SLC9B1: variants seen among roughly 807,000 people sequenced by gnomAD.
The protein encoded by SLC9B1 is sodium/hydrogen exchanger 9B1.
A neutral mutation model predicts 51.7 loss-of-function variants in SLC9B1; 32 were observed. The observed-to-expected ratio is 0.62, with a 90% CI of 0.47 to 0.83. The LOEUF (loss-of-function observed/expected upper bound fraction) is 0.83, where lower values mean the gene tolerates loss of function less well. Among genes scored for constraint, SLC9B1 ranks in the 40% least tolerant of loss-of-function variants. SLC9B1 has a pLI of 0.00. For missense variants in SLC9B1, 406 were observed against 613.2 expected, an observed-to-expected ratio of 0.66 and a Z score of 3.57; for synonymous variants, 145 against 212.7, an observed-to-expected ratio of 0.68 and a Z score of 2.77.
rs771987427 is a variant in SLC9B1 at position 102,910,582 on chromosome 4, G to C, written c.943C>G (p.Leu315Val). Residue 315 changes from leucine (L) to valine (V), a missense_variant, in exon 9 of 12, where the codon CTT becomes GTT. Leu to Val is a conservative substitution (Grantham distance 32). Coordinates refer to ENST00000296422, the MANE Select transcript of SLC9B1 (RefSeq NM_139173.4). ...ACAAGGAATCCTCTCTTCAATGTAA[G>C]TTTTTTCTAGAATTAGATAGATATT... is the stretch of plus-strand genomic sequence containing the variant. The part of the protein sequence containing the change: ...RYFPSEDQKK[L>V]TLKRGFLVLT... 4 of 1,436,144 alleles carry C rather than the reference G, an allele frequency of 2.8e-6. No homozygotes were observed. Among genetic ancestry groups the C allele is most frequent in the Non-Finnish European group, 3.7e-6 (4 of 1,092,396 alleles). The allele number at this position is 1,436,144 out of a possible 1,614,324, so 89.0% of individuals were successfully genotyped here.
At chr4:102,886,090 T>G (rs927432874) in intron 11 of SLC9B1, among the ~76,000 whole-genome samples, 10 of 152,194 alleles carry the variant, frequency 6.6e-5, no homozygotes, top group Admixed American at 3.9e-4. Flanking sequence ...ACTAAATATC[T>G]GATAAAAAGG....
intron 11 of SLC9B1, chr4:102,885,521 A>G: frequency 2.0e-6 from 2 of 996,282 alleles, no homozygotes; most frequent in Non-Finnish European, 3.1e-6. Context: ...CTTTAAGATG[A>G]GAGAATTTTC....
intron 9 of SLC9B1, among the ~76,000 whole-genome samples, chr4:102,910,052 C>T (rs550876363): frequency 5.9e-5 from 9 of 152,076 alleles, no homozygotes; most frequent in South Asian, 2.1e-4. Flanking sequence ...TGACCCCACG[C>T]GATCTGTCCG....
intron 11 of SLC9B1, among the ~76,000 whole-genome samples, chr4:102,894,737 G>C (rs975290980): frequency 5.3e-5 from 8 of 152,256 alleles, no homozygotes; most frequent in Admixed American, 5.2e-4. Flanking sequence ...CAGGAGGACT[G>C]CTTGAGCCCA....
downstream of SLC9B1, among the ~76,000 whole-genome samples, chr4:102,899,689 G>A (rs910632658): frequency 1.3e-5 from 2 of 152,110 alleles, no homozygotes; most frequent in African/African-American, 2.4e-5. Context: ...TGGGATTACA[G>A]GCATGAGCCA....
chr4:102,906,298 T>C (rs1328233408), intron 10 of SLC9B1: 1 of 238,180 alleles, frequency 4.2e-6, no homozygotes, highest in East Asian at 9.7e-5. Context: ...AGGAAAGAAA[T>C]CTTATATTTA....
intron 1 of SLC9B1, among the ~76,000 whole-genome samples, chr4:103,008,348 T>C (rs1369702500): frequency 6.6e-6 from 1 of 152,146 alleles, no homozygotes; most frequent in Non-Finnish European, 1.5e-5. Flanking sequence ...TGTTTGATTA[T>C]ATATTAATAA....
chr4:102,907,857 T>C (rs1213869079), intron 9 of SLC9B1, among the ~76,000 whole-genome samples: 3 of 152,290 alleles, frequency 2.0e-5, no homozygotes, highest in Non-Finnish European at 4.4e-5. Flanking sequence ...ATTATCCTAT[T>C]TGTTACTTTT....
intron 6 of SLC9B1, among the ~76,000 whole-genome samples, chr4:102,937,723 C>CAAAAAAA (rs35545999): frequency 5.3e-5 from 3 of 56,844 alleles, no homozygotes; most frequent in African/African-American, 5.9e-5. Context: ...ACTCTGTCGC[C>CAAAAAAA]AAAAAAAAAA....
chr4:102,930,058 G>A (rs1266559305), intron 7 of SLC9B1, among the ~76,000 whole-genome samples: 1 of 152,126 alleles, frequency 6.6e-6, no homozygotes, highest in East Asian at 1.9e-4. Flanking sequence ...AACAAAAGGT[G>A]AACCCACCTA....
chr4:102,973,053 G>A (rs1273569093), intron 3 of SLC9B1, among the ~76,000 whole-genome samples: 1 of 152,106 alleles, frequency 6.6e-6, no homozygotes, highest in Non-Finnish European at 1.5e-5. Flanking sequence ...AAAAGTATTA[G>A]AGAAATAATA....
chr4:102,946,559 C>A, intron 5 of SLC9B1, 88 bp downstream of exon 5: 9 of 1,433,618 alleles, frequency 6.3e-6, no homozygotes, highest in Non-Finnish European at 7.6e-6. Flanking sequence ...CTATTTGGAA[C>A]AGGAAAATAA....
intron 2 of SLC9B1, among the ~76,000 whole-genome samples, chr4:102,990,858 T>C (rs1050933335): frequency 2.6e-5 from 4 of 152,094 alleles, no homozygotes; most frequent in Admixed American, 6.6e-5. Flanking sequence ...AAATGAATTA[T>C]GTAGCTCTTT....
At chr4:103,013,512 C>T (rs1027314182) in intron 1 of SLC9B1, among the ~76,000 whole-genome samples, 3 of 152,324 alleles carry the variant, frequency 2.0e-5, no homozygotes, top group South Asian at 4.1e-4. Flanking sequence ...CATTTCTCAA[C>T]ATCTATTCTA....
chr4:102,974,242 G>GCAAAAAA (rs1738926529), intron 3 of SLC9B1, among the ~76,000 whole-genome samples: 1 of 53,446 alleles, frequency 1.9e-5, no homozygotes, highest in Non-Finnish European at 3.3e-5. Flanking sequence ...GTCTAAAATT[G>GCAAAAAA]AAAAAAAAAA....
intron 1 of SLC9B1, among the ~76,000 whole-genome samples, chr4:103,004,196 A>T (rs2110533044): frequency 6.6e-6 from 1 of 152,338 alleles, no homozygotes; most frequent in Non-Finnish European, 1.5e-5. Flanking sequence ...AATACAATAA[A>T]ATGATATAGG....
chr4:102,968,439 G>T (rs1055565868), intron 3 of SLC9B1, among the ~76,000 whole-genome samples: 3 of 152,234 alleles, frequency 2.0e-5, no homozygotes, highest in Non-Finnish European at 2.9e-5. Context: ...CTAAGCAAAG[G>T]TTTCTTAGAT....
chr4:102,943,565 A>C (rs887698878), intron 6 of SLC9B1, among the ~76,000 whole-genome samples: 2 of 151,150 alleles, frequency 1.3e-5, no homozygotes, highest in African/African-American at 4.9e-5. Context: ...CTCAGCCATA[A>C]AAAGGAATGA....
chr4:102,977,337 C>G (rs1452477502), intron 3 of SLC9B1, among the ~76,000 whole-genome samples: 1 of 137,638 alleles, frequency 7.3e-6, no homozygotes, highest in Non-Finnish European at 1.6e-5. Context: ...GGAAGAAGAA[C>G]AAGAGGAGCA....
Sources: gnomAD v4.1 joint callset for allele counts (sites outside exome capture counted in the v4.1 genomes callset) on GRCh38, gnomAD v4.1.1 for gene constraint, MANE v1.5 for transcripts, NCBI Gene and HGNC (gene_info 2026-07-23, HGNC 2026-07-21) for gene names.